HEG1: variants seen among roughly 807,000 people sequenced by gnomAD.
The protein encoded by HEG1 is heart development protein with EGF like domains 1.
Under a neutral mutation model 125.6 loss-of-function variants are expected in HEG1, and 56 were observed. The observed-to-expected ratio is 0.45, with a 90% confidence interval of 0.36 to 0.56. The LOEUF (loss-of-function observed/expected upper bound fraction) is 0.56, where lower values mean the gene tolerates loss of function less well. HEG1 is among the 20% of genes least tolerant of loss of function. HEG1 has a pLI of 0.00. For synonymous variants in HEG1, 644 were observed against 668.5 expected (o/e 0.96, Z 0.57); for missense variants, 1,523 against 1,670.0 (o/e 0.91, Z 1.53).
chr3:124,979,441 A>G (rs914761316), intron 14 of HEG1, among the ~76,000 whole-genome samples: 1 of 152,250 alleles, frequency 6.6e-6, no homozygotes, highest in Non-Finnish European at 1.5e-5. Flanking sequence ...ATTACCAGAA[A>G]TTAGCAGTGA....
intron 8 of HEG1, among the ~76,000 whole-genome samples, chr3:125,008,995 C>A (rs553642573): frequency 6.6e-6 from 1 of 152,206 alleles, no homozygotes; most frequent in Non-Finnish European, 1.5e-5. Flanking sequence ...CAACCCGTTA[C>A]GTAAGCTTGG....
intron 1 of HEG1, among the ~76,000 whole-genome samples, chr3:125,046,968 A>G (rs1937681244): frequency 1.3e-5 from 2 of 152,238 alleles, no homozygotes; most frequent in Admixed American, 1.3e-4. Context: ...CAATCCTAAT[A>G]GCTTTCTATG....
chr3:124,987,182 G>A (rs1476323337), intron 14 of HEG1, among the ~76,000 whole-genome samples: 1 of 152,174 alleles, frequency 6.6e-6, no homozygotes, highest in African/African-American at 2.4e-5. Context: ...TCCAGCCTGG[G>A]CAATAGAGAG....
chr3:125,029,593 A>G (rs778444763), intron 1 of HEG1, 105 bp from the exon 2 acceptor site: 1 of 1,188,128 alleles, frequency 8.4e-7, no homozygotes, highest in Non-Finnish European at 1.2e-6. Context: ...GAGTGAATTC[A>G]AGTAAAAGAA....
chr3:124,989,147 G>C (rs997242400), intron 14 of HEG1, among the ~76,000 whole-genome samples: 1 of 152,054 alleles, frequency 6.6e-6, no homozygotes, highest in African/African-American at 2.4e-5. Flanking sequence ...CACCATGCTG[G>C]GTGCACCAAG....
intron 1 of HEG1, among the ~76,000 whole-genome samples, chr3:125,039,057 T>C (rs1156377927): frequency 6.6e-6 from 1 of 152,242 alleles, no homozygotes. Context: ...CTCAGGTATC[T>C]TTTGAGCTGA....
At chr3:124,976,511 TA>T (rs1936544177) in intron 15 of HEG1, among the ~76,000 whole-genome samples, 1 of 146,084 alleles carries the variant, frequency 6.8e-6, no homozygotes, top group Non-Finnish European at 1.5e-5. Flanking sequence ...TTTTTTTTTT[TA>T]ATAGCCATCT....
chr3:125,013,354 G>A lies in HEG1; in HGVS notation c.2225C>T (p.Ser742Phe). 1 of 1,614,020 alleles carries A rather than the reference G, an allele frequency of 6.2e-7. No individual in the cohort carries two copies. Among genetic ancestry groups the A allele is most frequent in the Non-Finnish European group, 8.5e-7 (1 of 1,179,890 alleles). Residue 742 changes from serine (S) to phenylalanine (F), a missense_variant, in exon 6 of 17, where the codon TCT becomes TTT. Physicochemically the swap from Ser to Phe is radical, Grantham distance 155. Coordinates refer to ENST00000311127, the MANE Select transcript of HEG1 (RefSeq NM_020733.2). ...SVSQTTLPQS[S>F]STPVLPRARE... is the part of the protein sequence containing the mutation. Reference sequence around the variant, plus strand: ...TGCCCTGGGCAGGACAGGGGTAGAAGATGACTGTGGCAAGGTTGTTTGTGA... The same window carrying A: ...TGCCCTGGGCAGGACAGGGGTAGAAAATGACTGTGGCAAGGTTGTTTGTGA...
At chr3:124,989,724 T>C (rs1430124611) in intron 14 of HEG1, among the ~76,000 whole-genome samples, 2 of 152,202 alleles carry the variant, frequency 1.3e-5, no homozygotes, top group African/African-American at 4.8e-5. Context: ...GTCTCTAGCA[T>C]GCCTGGTGGG....
intron 5 of HEG1, among the ~76,000 whole-genome samples, chr3:125,016,807 G>C (rs1200939012): frequency 6.6e-6 from 1 of 152,134 alleles, no homozygotes; most frequent in African/African-American, 2.4e-5. Flanking sequence ...ATACATTTTT[G>C]CTTTAGTCAG....
intron 1 of HEG1, among the ~76,000 whole-genome samples, chr3:125,031,451 G>A (rs1014875240): frequency 1.3e-5 from 2 of 152,122 alleles, no homozygotes. Flanking sequence ...CACTGATTAC[G>A]TGACTCCCTG....
chr3:125,029,094 G>A, intron 2 of HEG1, 101 bp downstream of exon 2: 1 of 1,322,418 alleles, frequency 7.6e-7, no homozygotes, highest in Non-Finnish European at 1.0e-6. Context: ...AACCTTGGAA[G>A]GGCACAATGG....
intron 1 of HEG1, among the ~76,000 whole-genome samples, chr3:125,042,218 A>C (rs1187092958): frequency 6.6e-6 from 1 of 152,218 alleles, no homozygotes; most frequent in Non-Finnish European, 1.5e-5. Context: ...ACTTGAGGTT[A>C]GGAGTTCGAG....
chr3:124,979,500 T>C (rs1225239888), intron 14 of HEG1, among the ~76,000 whole-genome samples: 1 of 152,222 alleles, frequency 6.6e-6, no homozygotes, highest in Non-Finnish European at 1.5e-5. Flanking sequence ...AAAGCTTTAA[T>C]TAATTGCTTT....
chr3:125,046,390 TATACACATACAC>T (rs1167852289), intron 1 of HEG1, among the ~76,000 whole-genome samples: 1 of 108,534 alleles, frequency 9.2e-6, no homozygotes, highest in Non-Finnish European at 1.8e-5. Flanking sequence ...TATATATATA[TATACACATACAC>T]ACACACACAC....
At chr3:124,995,476 T>A (rs1232299015) in intron 12 of HEG1, among the ~76,000 whole-genome samples, 1 of 152,254 alleles carries the variant, frequency 6.6e-6, no homozygotes, top group Admixed American at 6.5e-5. Context: ...ACGCACACGC[T>A]GCAGAGAACA....
chr3:124,969,770 T>A lies in HEG1; in HGVS notation c.*882A>T, dbSNP rs542736599. On this transcript the variant is annotated 3_prime_UTR_variant, in exon 17 of 17. Coordinates refer to ENST00000311127, the MANE Select transcript of HEG1 (RefSeq NM_020733.2). ...TTGACATTTCTCCTCCATACGCAGC[T>A]GCCTCTGGCCTCCACAATGGTGATC... The A allele has an allele frequency of 1.1e-3, 152 of 141,292 alleles. 2 individuals carry two copies. The highest frequency in any genetic ancestry group is 4.0e-3 in the African/African-American group (144 of 36,262). 8.8% of individuals were successfully genotyped at this position (141,292 alleles called of 1,614,324 possible). A position where few individuals can be genotyped will look rare whatever the true frequency, so the allele number is the denominator to read the frequency against.
At chr3:125,011,099 G>T (rs1203949988) in intron 6 of HEG1, among the ~76,000 whole-genome samples, 1 of 152,112 alleles carries the variant, frequency 6.6e-6, no homozygotes, top group Non-Finnish European at 1.5e-5. Flanking sequence ...TTTAGAAAAT[G>T]ATCAGAGTTG....
intron 1 of HEG1, among the ~76,000 whole-genome samples, chr3:125,053,825 G>A (rs1376802376): frequency 2.0e-5 from 3 of 152,194 alleles, no homozygotes; most frequent in African/African-American, 7.2e-5. Context: ...AGTCCTCTAA[G>A]CTAGCTGCCT....
Sources: gnomAD v4.1 joint callset for allele counts (sites outside exome capture counted in the v4.1 genomes callset) on GRCh38, gnomAD v4.1.1 for gene constraint, MANE v1.5 for transcripts, NCBI Gene and HGNC (gene_info 2026-07-23, HGNC 2026-07-21) for gene names.